The following PAPPA2 variants were observed in gnomAD, a reference collection of about 807,000 sequenced individuals.
PAPPA2 encodes pappalysin 2.
Under a neutral mutation model 176.4 loss-of-function variants are expected in PAPPA2, and 86 were observed. That is an observed-to-expected ratio of 0.49 (90% CI 0.41 to 0.58). PAPPA2 has a LOEUF of 0.58. Ranked by LOEUF, PAPPA2 falls within the 20% of genes least tolerant of loss-of-function variation. PAPPA2 has a pLI of 0.00. For synonymous variants in PAPPA2, 809 were observed against 852.2 expected, an observed-to-expected ratio of 0.95 and a Z score of 0.88; for missense variants, 2,073 against 2,256.9, an observed-to-expected ratio of 0.92 and a Z score of 1.65.
At chr1:176,468,733 C>T (rs1651741555) in intron 1 of PAPPA2, among the ~76,000 whole-genome samples, 1 of 152,180 alleles carries the variant, frequency 6.6e-6, no homozygotes. Flanking sequence ...ACTTAGGTAC[C>T]TATCTCCTTT....
At chr1:176,790,819 C>G (rs1665143378) in intron 18 of PAPPA2, among the ~76,000 whole-genome samples, 1 of 152,160 alleles carries the variant, frequency 6.6e-6, no homozygotes, top group South Asian at 2.1e-4. Context: ...CAAACCAGCA[C>G]ACATGTGGAG....
At chr1:176,804,908 T>C (rs190136742) in intron 21 of PAPPA2, among the ~76,000 whole-genome samples, 167 of 151,098 alleles carry the variant, frequency 1.1e-3, no homozygotes, top group Non-Finnish European at 2.2e-3. Flanking sequence ...TCCAATAAAG[T>C]GTACTTTCTT....
chr1:176,497,307 G>C (rs946345564), intron 1 of PAPPA2, among the ~76,000 whole-genome samples: 98 of 152,162 alleles, frequency 6.4e-4, no homozygotes, highest in Non-Finnish European at 3.2e-4. Context: ...TCTTCACAGT[G>C]TTCCTTAGTG....
intron 3 of PAPPA2, among the ~76,000 whole-genome samples, chr1:176,667,523 C>T (rs969928558): frequency 1.3e-5 from 2 of 152,090 alleles, no homozygotes; most frequent in Middle Eastern, 3.2e-3. Flanking sequence ...CTGGAGAATG[C>T]TAGTTGGTGC....
At chr1:176,688,237 A>G (rs905439792) in intron 4 of PAPPA2, among the ~76,000 whole-genome samples, 2 of 152,214 alleles carry the variant, frequency 1.3e-5, no homozygotes, top group Non-Finnish European at 2.9e-5. Flanking sequence ...TGGAGGAAAA[A>G]GGATGAAAAA....
chr1:176,632,806 C>T (rs1249588770), intron 3 of PAPPA2, among the ~76,000 whole-genome samples: 4 of 152,106 alleles, frequency 2.6e-5, no homozygotes, highest in Non-Finnish European at 5.9e-5. Context: ...ATTTTAAAAC[C>T]ACTGGTCTAT....
At chr1:176,837,600 A>T (rs1667325011) in intron 21 of PAPPA2, among the ~76,000 whole-genome samples, 1 of 152,042 alleles carries the variant, frequency 6.6e-6, no homozygotes, top group Non-Finnish European at 1.5e-5. Flanking sequence ...TGAAAAGTGC[A>T]CTTATGTGAA....
At chr1:176,704,193 A>G (rs957101994) in intron 9 of PAPPA2, among the ~76,000 whole-genome samples, 1 of 152,116 alleles carries the variant, frequency 6.6e-6, no homozygotes, top group South Asian at 2.1e-4. Context: ...ACGAGCCTTA[A>G]AGCAGCTTCA....
intron 3 of PAPPA2, among the ~76,000 whole-genome samples, chr1:176,633,011 C>T (rs756460808): frequency 2.6e-5 from 4 of 152,164 alleles, no homozygotes; most frequent in Non-Finnish European, 4.4e-5. Flanking sequence ...TTCCTTTGTA[C>T]TAGGCCCTGG....
chr1:176,507,109 C>T (rs764030711), intron 1 of PAPPA2, among the ~76,000 whole-genome samples: 1 of 151,786 alleles, frequency 6.6e-6, no homozygotes, highest in Non-Finnish European at 1.5e-5. Flanking sequence ...TAAATAACCC[C>T]ATTAAAAAAA....
intron 2 of PAPPA2, among the ~76,000 whole-genome samples, chr1:176,589,747 T>A (rs1000916611): frequency 3.3e-5 from 5 of 152,244 alleles, no homozygotes. Context: ...TTTGTTTCTA[T>A]CTCATGTACA....
intron 12 of PAPPA2, among the ~76,000 whole-genome samples, chr1:176,715,294 C>T (rs115819574): frequency 0.013 from 1,987 of 152,242 alleles, 38 homozygotes; most frequent in Non-Finnish European, 0.014. Flanking sequence ...CACTTGTGTT[C>T]GAAAAATCTG....
chr1:176,634,199 C>T (rs1346577611), intron 3 of PAPPA2, among the ~76,000 whole-genome samples: 3 of 152,050 alleles, frequency 2.0e-5, no homozygotes, highest in Non-Finnish European at 2.9e-5. Flanking sequence ...AACCCAAATG[C>T]CCAAAAATGA....
rs1270849059 is a variant in PAPPA2, at chr1:176,715,616, AG to A, written c.3798+3637del. Among the ~76,000 whole-genome samples, 3 of 152,304 alleles carry A rather than the reference AG, an allele frequency of 2.0e-5. No homozygotes were observed. The East Asian group carries it at 5.8e-4, about 29-fold the overall frequency. ...CATAGCTTTCCCTAATTTATCAAAA[AG>A]GTGAAATGGGTGAACATACATTGGC... On this transcript the variant is annotated intron_variant, in intron 12 of 22. Transcript: ENST00000367662.
At position 176,638,519 on chromosome 1, in the gene PAPPA2, T is replaced by C. The variant is rs190808835; in HGVS notation, c.1992-32451T>C. ...TATTAAACGAATGTATTGTTTTGAG[T>C]TTTCTTTGGCCCAGTCTCCCCCATT... On this transcript the variant is annotated intron_variant, in intron 3 of 22. Transcript: ENST00000367662. Among the ~76,000 whole-genome samples the C allele has an allele frequency of 3.1e-4, 47 of 151,988 alleles. No homozygotes were observed. In the East Asian group the frequency reaches 8.6e-3, roughly 28 times the overall value.
intron 3 of PAPPA2, among the ~76,000 whole-genome samples, chr1:176,599,138 GGT>G (rs767753174): frequency 4.0e-5 from 6 of 149,084 alleles, no homozygotes; most frequent in East Asian, 2.0e-4. Context: ...TATTTTTATA[GGT>G]GTGTGTGTGT....
At chr1:176,716,639 T>C (rs532717432) in intron 12 of PAPPA2, among the ~76,000 whole-genome samples, 1 of 136,846 alleles carries the variant, frequency 7.3e-6, no homozygotes, top group East Asian at 2.1e-4. Context: ...TGAGATGGAG[T>C]CTTGCTCTGT....
chr1:176,564,385 T>C (rs1036559800), intron 2 of PAPPA2, among the ~76,000 whole-genome samples: 1 of 152,242 alleles, frequency 6.6e-6, no homozygotes, highest in African/African-American at 2.4e-5. Context: ...TTCAACTCTG[T>C]TGTTAGAATG....
chr1:176,687,279 T>C (rs1460303159), intron 4 of PAPPA2, among the ~76,000 whole-genome samples: 1 of 152,228 alleles, frequency 6.6e-6, no homozygotes, highest in Non-Finnish European at 1.5e-5. Flanking sequence ...GTTGGGAATG[T>C]GCACCAAGAG....
Sources: gnomAD v4.1 joint callset for allele counts (sites outside exome capture counted in the v4.1 genomes callset) on GRCh38, gnomAD v4.1.1 for gene constraint, MANE v1.5 for transcripts, NCBI Gene and HGNC (gene_info 2026-07-23, HGNC 2026-07-21) for gene names.